PC: variants seen among roughly 807,000 people sequenced by gnomAD.
The protein encoded by PC is pyruvate carboxylase, mitochondrial.
Under a neutral mutation model 107.8 loss-of-function variants are expected in PC, and 46 were observed. That is an observed-to-expected ratio of 0.43 (90% CI 0.34 to 0.55). PC has a LOEUF of 0.55. PC is among the 20% of genes least tolerant of loss of function. PC has a pLI of 0.04. For missense variants in PC, 1,241 were observed against 1,643.1 expected (o/e 0.76, Z 4.23); for synonymous variants, 662 against 684.7 (o/e 0.97, Z 0.52).
At chr11:66,860,994 G>A (rs1946225926) in intron 12 of PC, among the ~76,000 whole-genome samples, 1 of 152,216 alleles carries the variant, frequency 6.6e-6, no homozygotes, top group African/African-American at 2.4e-5. Flanking sequence ...CCATCCCAAA[G>A]GGACTGGAAG....
chr11:66,943,410 G>A (rs1245286954), intron 3 of PC, among the ~76,000 whole-genome samples: 1 of 152,044 alleles, frequency 6.6e-6, no homozygotes, highest in African/African-American at 2.4e-5. Flanking sequence ...CTGCTGCCTT[G>A]ATCTTGGACT....
intron 3 of PC, among the ~76,000 whole-genome samples, chr11:66,943,702 G>A (rs1304525869): frequency 8.0e-6 from 1 of 125,302 alleles, no homozygotes; most frequent in Non-Finnish European, 1.6e-5. Flanking sequence ...CTTGTGGTGA[G>A]CAGAGATCGC....
chr11:66,883,264 G>A (rs1364397875), intron 3 of PC, among the ~76,000 whole-genome samples: 3 of 152,322 alleles, frequency 2.0e-5, no homozygotes, highest in South Asian at 2.1e-4. Flanking sequence ...GAGGGGTCCC[G>A]AGGGCCTGCA....
In PC at chr11:66,866,715, C is replaced by T. The variant is rs1257606767; in HGVS notation, c.1023-366G>A. Among the ~76,000 whole-genome samples the T allele has an allele frequency of 6.6e-6, 1 of 152,300 alleles. No homozygotes were observed. Among genetic ancestry groups the T allele is most frequent in the African/African-American group, 2.4e-5 (1 of 41,546 alleles). ...CTGTTTTCCCCACTCCCCTAAACTCCCCCTTGGTAAAGCCTAGATTTGAAG... is the reference window on the plus strand; with the variant it reads ...CTGTTTTCCCCACTCCCCTAAACTCTCCCTTGGTAAAGCCTAGATTTGAAG... On this transcript the variant is annotated intron_variant, in intron 10 of 22. Coordinates refer to ENST00000393960, the MANE Select transcript of PC (RefSeq NM_001040716.2). The surrounding 1 kb of genome is among the most constrained non-coding windows in gnomAD (Gnocchi z 5.4).
intron 3 of PC, among the ~76,000 whole-genome samples, chr11:66,941,008 AG>A (rs1255352130): frequency 6.7e-6 from 1 of 148,456 alleles, no homozygotes; most frequent in Non-Finnish European, 1.5e-5. Context: ...CCCAGGAGGC[AG>A]AGGTTGCAGT....
intron 15 of PC, 48 bp from the exon 16 acceptor site, chr11:66,851,994 C>T (rs1377054699): frequency 6.3e-7 from 1 of 1,595,404 alleles, no homozygotes; most frequent in South Asian, 1.1e-5. Context: ...GCCTGGGGAA[C>T]TCCACCAGGC....
intron 3 of PC, among the ~76,000 whole-genome samples, chr11:66,885,713 A>G (rs1947335039): frequency 6.6e-6 from 1 of 152,088 alleles, no homozygotes; most frequent in African/African-American, 2.4e-5. Flanking sequence ...GCTGGCAAAC[A>G]CCAGAAGCTG....
chr11:66,862,681 G>T (rs1385513155), intron 12 of PC, among the ~76,000 whole-genome samples: 1 of 152,242 alleles, frequency 6.6e-6, no homozygotes, highest in Non-Finnish European at 1.5e-5. Flanking sequence ...TTCAAAGGCC[G>T]AGGCGGCATT....
Position 66,849,716 on chromosome 11 carries a change from G to A in PC, c.3042C>T (p.Pro1014=), listed in dbSNP as rs370090137. The change falls in exon 21 of 23, where the codon CCC becomes CCT. Residue 1014 remains proline (P), a synonymous_variant. Coordinates refer to ENST00000393960, the MANE Select transcript of PC (RefSeq NM_001040716.2). ...PEDVLSAAMY[P]DVFAHFKDFT... is the part of the protein sequence containing the mutation. ...AGTCCTTGAAGTGGGCAAACACATC[G>A]GGGTACATAGCTGCTGAGAGCACAT... 1.1e-4 allele frequency: 172 copies of A among 1,614,046 alleles called. 1 individual carries two copies. The highest frequency in any genetic ancestry group is 1.3e-4 in the Non-Finnish European group (159 of 1,180,028).
At chr11:66,949,434 G>A (rs965189384) in intron 3 of PC, among the ~76,000 whole-genome samples, 7 of 151,912 alleles carry the variant, frequency 4.6e-5, no homozygotes, top group African/African-American at 7.2e-5. Flanking sequence ...GGCGGCTCAC[G>A]CCTGTAATCC....
chr11:66,892,769 C>T (rs546110209), intron 3 of PC, among the ~76,000 whole-genome samples: 4 of 152,042 alleles, frequency 2.6e-5, no homozygotes, highest in East Asian at 1.9e-4. Context: ...GCAGGAGAAT[C>T]GCTTGAACCC....
At position 66,857,413 on chromosome 11, in the gene PC, G is replaced by A; in HGVS notation, c.1369-4030C>T. The A allele has an allele frequency of 6.7e-6, 2 of 299,530 alleles. No homozygotes were observed. The highest frequency in any genetic ancestry group is 4.7e-5 in the Admixed American group (1 of 21,436). The allele number at this position is 299,530 out of a possible 1,614,324, so 18.6% of individuals were successfully genotyped here. A position where few individuals can be genotyped will look rare whatever the true frequency, so the allele number is the denominator to read the frequency against. ...AGGGTATGGCGGGGAGTGGGGAGGC[G>A]GCTGGCGATTCCTGGGGACGCCTGG... On this transcript the variant is annotated intron_variant, in intron 12 of 22. Coordinates refer to ENST00000393960, the MANE Select transcript of PC (RefSeq NM_001040716.2). The surrounding 1 kb of genome is among the most constrained non-coding windows in gnomAD (Gnocchi z 7.1).
chr11:66,906,623 C>A (rs575136429), intron 3 of PC, among the ~76,000 whole-genome samples: 2 of 152,194 alleles, frequency 1.3e-5, no homozygotes, highest in Admixed American at 1.3e-4. Flanking sequence ...TCCATCCCCC[C>A]AGTCTTTCCC....
chr11:66,905,489 A>C (rs1404880969), intron 3 of PC, among the ~76,000 whole-genome samples: 1 of 152,232 alleles, frequency 6.6e-6, no homozygotes, highest in Non-Finnish European at 1.5e-5. Context: ...AGAGGAACTA[A>C]GTTGTCTGAG....
chr11:66,859,855 G>T, intron 12 of PC: 1 of 1,564,448 alleles, frequency 6.4e-7, no homozygotes, highest in Non-Finnish European at 8.7e-7. Context: ...GTGGCCGTGG[G>T]GGGTGTGCTG....
rs113748384 is a variant in PC, at chr11:66,945,422, G to GC, written c.-1+7007_-1+7008insG. Among the ~76,000 whole-genome samples the GC allele has an allele frequency of 3.8e-4, 37 of 97,386 alleles. 8 individuals are homozygous for GC. Among genetic ancestry groups the GC allele is most frequent in the South Asian group, 3.1e-3 (10 of 3,220 alleles). 63.9% of individuals were successfully genotyped at this position (97,386 alleles called of 152,430 possible). A position where few individuals can be genotyped will look rare whatever the true frequency, so the allele number is the denominator to read the frequency against. The stretch of plus-strand genomic sequence containing the variant: ...ATTAACTGAATTCAAATGGTTTGGG[G>GC]GGGCGGGTCGGAACTGCAGAGTTAC... On this transcript the variant is annotated intron_variant, in intron 3 of 22. Coordinates refer to ENST00000393960, the MANE Select transcript of PC (RefSeq NM_001040716.2).
intron 16 of PC, 103 bp from the exon 17 acceptor site, chr11:66,851,383 A>G (rs1945481194): frequency 6.5e-7 from 1 of 1,532,268 alleles, no homozygotes; most frequent in African/African-American, 1.4e-5. Flanking sequence ...GGGGAATGAG[A>G]TCTGAGGGTC....
At chr11:66,955,123 C>T (rs1375224475) in intron 1 of PC, among the ~76,000 whole-genome samples, 2 of 152,248 alleles carry the variant, frequency 1.3e-5, no homozygotes, top group African/African-American at 4.8e-5. Flanking sequence ...TCTCTCCTCA[C>T]TGGTTCCCAG....
intron 3 of PC, among the ~76,000 whole-genome samples, chr11:66,927,311 C>T (rs2136104456): frequency 6.7e-6 from 1 of 149,916 alleles, no homozygotes; most frequent in East Asian, 2.0e-4. Context: ...GAGCTCGACT[C>T]CCAGCCACAC....
Sources: gnomAD v4.1 joint callset for allele counts (sites outside exome capture counted in the v4.1 genomes callset) on GRCh38, gnomAD v4.1.1 for gene constraint, Gnocchi (gnomAD v3.1) non-coding constraint, MANE v1.5 for transcripts, NCBI Gene and HGNC (gene_info 2026-07-23, HGNC 2026-07-21) for gene names.